The following DDX10 variants were observed in gnomAD, a reference collection of about 807,000 sequenced individuals.
DDX10 encodes the protein probable ATP-dependent RNA helicase DDX10.
In DDX10, 74 loss-of-function variants were observed where a neutral mutation model predicts 104.3. That is an observed-to-expected ratio of 0.71 (90% CI 0.59 to 0.86). DDX10 has a LOEUF of 0.86. DDX10 is among the 40% of genes least tolerant of loss of function. The probability of loss-of-function intolerance (pLI) is 0.00; values close to 1 mark genes in which losing one functional copy is unlikely to be tolerated. For missense variants in DDX10, 952 were observed against 1,040.0 expected (o/e 0.92, Z 1.16); for synonymous variants, 351 against 353.4 (o/e 0.99, Z 0.08).
intron 10 of DDX10, among the ~76,000 whole-genome samples, chr11:108,711,805 G>C (rs1029953636): frequency 3.3e-5 from 5 of 152,220 alleles, no homozygotes; most frequent in African/African-American, 1.2e-4. Context: ...GTAGTCTCTA[G>C]ATGGCTGTTG....
chr11:108,821,935 A>G lies in DDX10; in HGVS notation c.1966-16511A>G, dbSNP rs146115799. On this transcript the variant is annotated intron_variant, in intron 13 of 17. Coordinates refer to ENST00000322536, the MANE Select transcript of DDX10 (RefSeq NM_004398.4). The stretch of plus-strand genomic sequence containing the variant: ...GCAAGTGAACATGAAACACGGATGA[A>G]TCTTGCTTGGTTCTGAGACAGTGTG... Among the ~76,000 whole-genome samples the G allele has an allele frequency of 5.1e-4, 78 of 152,312 alleles. 2 individuals are homozygous for G. In the East Asian group the frequency reaches 0.015, roughly 29 times the overall value.
chr11:108,902,084 A>C (rs146590971), intron 16 of DDX10, among the ~76,000 whole-genome samples: 158 of 152,292 alleles, frequency 1.0e-3, no homozygotes, highest in Middle Eastern at 6.8e-3. Flanking sequence ...AGTCTGTCCT[A>C]ATTCTTCTCT....
chr11:108,694,208 TG>T lies in DDX10; in HGVS notation c.1223+613del, dbSNP rs1446972149. 3.9e-5 allele frequency among the ~76,000 whole-genome samples: 6 copies of T among 152,298 alleles called. No individual in the cohort carries two copies. The East Asian group carries it at 1.2e-3, about 29-fold the overall frequency. ...TAATATTTTTTGGGCCTTGGTTGAC[TG>T]GGGGTAACTGAAACCACAGAAAGCG... On this transcript the variant is annotated intron_variant, in intron 9 of 17. Coordinates refer to ENST00000322536, the MANE Select transcript of DDX10 (RefSeq NM_004398.4).
intron 16 of DDX10, among the ~76,000 whole-genome samples, chr11:108,855,156 G>A (rs1006523151): frequency 6.6e-6 from 1 of 152,122 alleles, no homozygotes; most frequent in Non-Finnish European, 1.5e-5. Flanking sequence ...ACAAGATGTC[G>A]TATATTCTTA....
In DDX10 at chr11:108,689,196, T is replaced by C. The variant is rs963642379; in HGVS notation, c.975+134T>C. 5 of 875,204 alleles carry C rather than the reference T, an allele frequency of 5.7e-6. No homozygotes were observed. In the Admixed American group the frequency reaches 1.1e-4, roughly 20 times the overall value. 54.2% of individuals were successfully genotyped at this position (875,204 alleles called of 1,614,324 possible). ...GGTGAGGGATCTTTCGTGTCCTTGT[T>C]GCAAAGGAATCCGTGGCTGAGACTT... On this transcript the variant is annotated intron_variant, in intron 7 of 17. Coordinates refer to ENST00000322536, the MANE Select transcript of DDX10 (RefSeq NM_004398.4).
intron 17 of DDX10, among the ~76,000 whole-genome samples, chr11:108,924,604 A>G (rs1863883905): frequency 6.6e-6 from 1 of 152,070 alleles, no homozygotes; most frequent in Non-Finnish European, 1.5e-5. Flanking sequence ...CTATCTTTTG[A>G]GTGAACTTGC....
At chr11:108,719,534 G>A (rs1410533489) in intron 11 of DDX10, among the ~76,000 whole-genome samples, 1 of 152,052 alleles carries the variant, frequency 6.6e-6, no homozygotes, top group Non-Finnish European at 1.5e-5. Context: ...TTATTGTAAT[G>A]GAATTATACT....
Position 108,836,000 on chromosome 11 carries a change from G to A in DDX10, c.1966-2446G>A, listed in dbSNP as rs370013967. On this transcript the variant is annotated intron_variant, in intron 13 of 17. Coordinates refer to ENST00000322536, the MANE Select transcript of DDX10 (RefSeq NM_004398.4). ...CCCAGGTGTTTTCCTTTTGATCCAG[G>A]TTTAGGAAGTAGCAGAATTGGTCTC... is the stretch of plus-strand genomic sequence containing the variant. Among the ~76,000 whole-genome samples the A allele has an allele frequency of 6.6e-5, 10 of 152,264 alleles. No individual in the cohort carries two copies. In the East Asian group the frequency reaches 1.9e-3, roughly 29 times the overall value.
At position 108,665,100 on chromosome 11, in the gene DDX10, G is replaced by A; in HGVS notation, c.-54G>A. 1 of 1,547,538 alleles carries A rather than the reference G, an allele frequency of 6.5e-7. No homozygotes were observed. The highest frequency in any genetic ancestry group is 8.7e-7 in the Non-Finnish European group (1 of 1,152,234). On this transcript the variant is annotated 5_prime_UTR_variant, in exon 1 of 18. Coordinates refer to ENST00000322536, the MANE Select transcript of DDX10 (RefSeq NM_004398.4). ...GTCCCATGCTGGTTCCGTGAGTCTGGCCTTAGGTGTCTCGTGTCTGGGGTT... is the reference window on the plus strand; with the variant it reads ...GTCCCATGCTGGTTCCGTGAGTCTGACCTTAGGTGTCTCGTGTCTGGGGTT...
At chr11:108,879,697 A>C (rs1458239521) in intron 16 of DDX10, among the ~76,000 whole-genome samples, 2 of 152,198 alleles carry the variant, frequency 1.3e-5, no homozygotes, top group African/African-American at 4.8e-5. Flanking sequence ...GATGACTCTC[A>C]CCAGCTCTGG....
At chr11:108,700,244 A>G (rs1350365022) in intron 9 of DDX10, among the ~76,000 whole-genome samples, 1 of 152,190 alleles carries the variant, frequency 6.6e-6, no homozygotes, top group Non-Finnish European at 1.5e-5. Flanking sequence ...TCCCAAACTC[A>G]ATAAATATTT....
intron 13 of DDX10, among the ~76,000 whole-genome samples, chr11:108,826,855 A>G (rs1277972667): frequency 6.6e-6 from 1 of 152,130 alleles, no homozygotes; most frequent in Admixed American, 6.5e-5. Context: ...AATCTTTCTT[A>G]ATGGGTCATG....
At position 108,723,052 on chromosome 11, in the gene DDX10, C is replaced by A; in HGVS notation, c.1555C>A (p.Gln519Lys). 1.2e-6 allele frequency: 2 copies of A among 1,613,052 alleles called. No individual in the cohort carries two copies. The highest frequency in any genetic ancestry group is 1.7e-6 in the Non-Finnish European group (2 of 1,179,658). Residue 519 changes from glutamine (Q) to lysine (K), a missense_variant, in exon 13 of 18, where the codon CAA becomes AAA. This residue lies in a region of DDX10 where 533 missense variants were observed against 534.1 expected (regional missense o/e 1.00). Coordinates refer to ENST00000322536, the MANE Select transcript of DDX10 (RefSeq NM_004398.4). ...AAGATTTCTTCAGAAAATGCAGAAA[C>A]AACCCACCAAAGAATTGGTAAGGAG... ...RVRFLQKMQKQPTKELVRSQA... is the reference protein window; with the variant it reads ...RVRFLQKMQKKPTKELVRSQA...
chr11:108,905,959 A>G (rs980659872), intron 16 of DDX10, among the ~76,000 whole-genome samples: 18 of 152,194 alleles, frequency 1.2e-4, no homozygotes, highest in African/African-American at 4.3e-4. Flanking sequence ...TAAACCATTC[A>G]TGAGAAATCT....
At chr11:108,923,261 G>A (rs1308747124) in intron 17 of DDX10, among the ~76,000 whole-genome samples, 1 of 152,184 alleles carries the variant, frequency 6.6e-6, no homozygotes, top group Non-Finnish European at 1.5e-5. Context: ...CTTATCTCAA[G>A]TAAGTTTTGA....
chr11:108,802,010 GGTGTGTGT>G (rs111450290), intron 13 of DDX10, among the ~76,000 whole-genome samples: 16 of 142,064 alleles, frequency 1.1e-4, no homozygotes, highest in Non-Finnish European at 1.9e-4. Flanking sequence ...AAGTGAGTGG[GGTGTGTGT>G]GTGTGTGTGT....
intron 13 of DDX10, among the ~76,000 whole-genome samples, chr11:108,729,066 T>G (rs78593855): frequency 0.042 from 6,395 of 152,252 alleles, 370 homozygotes; most frequent in African/African-American, 0.13. Context: ...TGGAACTGAT[T>G]CTACAGTTCG....
chr11:108,709,932 G>A (rs536321182), intron 10 of DDX10, among the ~76,000 whole-genome samples: 28 of 152,142 alleles, frequency 1.8e-4, no homozygotes, highest in African/African-American at 6.7e-4. Flanking sequence ...TGTGAGCAAT[G>A]GATCATTAAT....
intron 13 of DDX10, among the ~76,000 whole-genome samples, chr11:108,736,780 C>T (rs996322707): frequency 2.0e-5 from 3 of 152,188 alleles, no homozygotes; most frequent in African/African-American, 7.2e-5. Context: ...TGGTCTTGGA[C>T]TTCCCAGCCT....
Sources: gnomAD v4.1 joint callset for allele counts (sites outside exome capture counted in the v4.1 genomes callset) on GRCh38, gnomAD v4.1.1 for gene constraint, gnomAD v4.1.1 regional missense constraint, MANE v1.5 for transcripts, NCBI Gene and HGNC (gene_info 2026-07-23, HGNC 2026-07-21) for gene names.